Variants in WWOX observed in about 807,000 individuals in gnomAD.
WWOX encodes the protein WW domain containing oxidoreductase.
In WWOX, 69 loss-of-function variants were observed where a neutral mutation model predicts 46.2. That is an observed-to-expected ratio of 1.49 (90% CI 1.23 to 1.82). The LOEUF is 1.82. Among genes scored for constraint, WWOX ranks in the 40% most tolerant of loss-of-function variants. The pLI is 0.00. For missense variants in WWOX, 919 were observed against 542.6 expected (o/e 1.69, Z -6.89); for synonymous variants, 359 against 202.6 (o/e 1.77, Z -6.56).
intron 8 of WWOX, among the ~76,000 whole-genome samples, chr16:78,744,180 T>A (rs978829802): frequency 2.6e-5 from 4 of 152,008 alleles, no homozygotes; most frequent in Non-Finnish European, 5.9e-5. Context: ...GTAAAGGTGG[T>A]ATTTGAACTA....
intron 5 of WWOX, among the ~76,000 whole-genome samples, chr16:78,368,176 C>A (rs951780673): frequency 6.6e-6 from 1 of 152,162 alleles, no homozygotes; most frequent in Non-Finnish European, 1.5e-5. Context: ...TAGAATAAGG[C>A]CATGTCTGTA....
chr16:78,115,524 C>T (rs1238268763), intron 4 of WWOX, among the ~76,000 whole-genome samples: 2 of 152,120 alleles, frequency 1.3e-5, no homozygotes, highest in African/African-American at 2.4e-5. Flanking sequence ...ATACGGGGAA[C>T]AACAAGGTAT....
intron 8 of WWOX, among the ~76,000 whole-genome samples, chr16:78,763,372 G>T (rs556753541): frequency 5.3e-5 from 8 of 152,122 alleles, no homozygotes; most frequent in African/African-American, 1.9e-4. Flanking sequence ...ACTTGTTTCT[G>T]TTCATCCAGA....
intron 5 of WWOX, among the ~76,000 whole-genome samples, chr16:78,291,899 G>C (rs920404529): frequency 6.6e-6 from 1 of 151,914 alleles, no homozygotes; most frequent in Non-Finnish European, 1.5e-5. Context: ...TTGTGCCTTC[G>C]GGATTGATAG....
intron 8 of WWOX, among the ~76,000 whole-genome samples, chr16:78,935,586 T>G (rs2045719555): frequency 7.3e-6 from 1 of 136,562 alleles, no homozygotes; most frequent in East Asian, 2.4e-4. Context: ...AAGGGGAACA[T>G]CACACACCGG....
At chr16:79,155,151 G>A (rs1381790673) in intron 8 of WWOX, among the ~76,000 whole-genome samples, 1 of 152,220 alleles carries the variant, frequency 6.6e-6, no homozygotes, top group East Asian at 1.9e-4. Context: ...GCCGAGGCAG[G>A]CAGATCATGA....
intron 8 of WWOX, among the ~76,000 whole-genome samples, chr16:78,647,565 G>T (rs922147893): frequency 1.3e-5 from 2 of 152,168 alleles, no homozygotes; most frequent in African/African-American, 4.8e-5. Context: ...AAGCTCCACT[G>T]CCACTGTCCC....
chr16:78,130,077 A>G (rs1478554940), intron 4 of WWOX: 2 of 152,154 alleles, frequency 1.3e-5, no homozygotes, highest in Non-Finnish European at 2.9e-5. Context: ...TCATGTGAAG[A>G]AGGACGTGTT....
At chr16:79,154,669 G>GTCC (rs2150738140) in intron 8 of WWOX, among the ~76,000 whole-genome samples, 1 of 152,290 alleles carries the variant, frequency 6.6e-6, no homozygotes, top group African/African-American at 2.4e-5. Flanking sequence ...GATGTACACT[G>GTCC]TAAAACAACC....
chr16:78,349,926 T>C lies in WWOX; in HGVS notation c.517-36934T>C, dbSNP rs777471885. On this transcript the variant is annotated intron_variant, in intron 5 of 8. Coordinates refer to ENST00000566780, the MANE Select transcript of WWOX (RefSeq NM_016373.4). ...CCTGTTAACATTTCGGTTTGTGTTA[T>C]GGAAGTGTTCTCTCTTCTATGAATT... 3.3e-5 allele frequency among the ~76,000 whole-genome samples: 4 copies of C among 121,414 alleles called. 1 individual carries two copies. The highest frequency in any genetic ancestry group is 5.9e-5 in the Non-Finnish European group (3 of 50,840). 79.7% of individuals were successfully genotyped at this position (121,414 alleles called of 152,430 possible).
chr16:78,971,090 AATATAT>A (rs1184878369), intron 8 of WWOX, among the ~76,000 whole-genome samples: 1 of 151,960 alleles, frequency 6.6e-6, no homozygotes, highest in African/African-American at 2.4e-5. Context: ...TATGTATATC[AATATAT>A]ATATCAGGTA....
chr16:78,240,488 G>A (rs989834448), intron 5 of WWOX, among the ~76,000 whole-genome samples: 4 of 152,258 alleles, frequency 2.6e-5, no homozygotes, highest in African/African-American at 9.6e-5. Flanking sequence ...TTTCCACAAG[G>A]AGTCACCCCT....
chr16:78,910,816 C>G (rs145066948), intron 8 of WWOX, among the ~76,000 whole-genome samples: 1 of 151,792 alleles, frequency 6.6e-6, no homozygotes, highest in Admixed American at 6.6e-5. Flanking sequence ...TACCTCTCAC[C>G]GGGTCCCTCC....
intron 8 of WWOX, among the ~76,000 whole-genome samples, chr16:78,820,018 G>A (rs974485202): frequency 3.9e-5 from 6 of 152,136 alleles, no homozygotes; most frequent in Non-Finnish European, 8.8e-5. Context: ...GTGATATGGA[G>A]GAAAATAAAA....
Position 78,321,312 on chromosome 16 carries a change from ATGCG to A in WWOX, c.517-65546_517-65543del, listed in dbSNP as rs1567499050. Among the ~76,000 whole-genome samples the A allele has an allele frequency of 1.7e-4, 11 of 64,622 alleles. 1 individual carries two copies. The highest frequency in any genetic ancestry group is 7.9e-4 in the East Asian group (1 of 1,268). 42.4% of individuals were successfully genotyped at this position (64,622 alleles called of 152,430 possible). On this transcript the variant is annotated intron_variant, in intron 5 of 8. Transcript: ENST00000566780. ...TATACGTATATATATACGTATATAT[ATGCG>A]TATATATATACGTATATATGCGTAT...
intron 8 of WWOX, among the ~76,000 whole-genome samples, chr16:78,479,570 A>G (rs2084437933): frequency 1.3e-5 from 2 of 152,338 alleles, no homozygotes; most frequent in African/African-American, 4.8e-5. Flanking sequence ...CATAGTGAAA[A>G]TGGAGATAAG....
intron 5 of WWOX, among the ~76,000 whole-genome samples, chr16:78,235,141 T>A (rs962040824): frequency 6.6e-6 from 1 of 152,172 alleles, no homozygotes; most frequent in African/African-American, 2.4e-5. Flanking sequence ...TTTAAAATTA[T>A]TATAAAATAT....
chr16:78,510,389 A>T (rs1378583502), intron 8 of WWOX, among the ~76,000 whole-genome samples: 1 of 152,130 alleles, frequency 6.6e-6, no homozygotes, highest in Non-Finnish European at 1.5e-5. Context: ...TATTTTTAGT[A>T]GAGATGGAGT....
At chr16:78,988,217 A>G (rs906668318) in intron 8 of WWOX, among the ~76,000 whole-genome samples, 1 of 151,906 alleles carries the variant, frequency 6.6e-6, no homozygotes, top group Non-Finnish European at 1.5e-5. Context: ...GGTGACAGGC[A>G]TCTGTAATCT....
Sources: gnomAD v4.1 joint callset for allele counts (sites outside exome capture counted in the v4.1 genomes callset) on GRCh38, gnomAD v4.1.1 for gene constraint, MANE v1.5 for transcripts, NCBI Gene and HGNC (gene_info 2026-07-23, HGNC 2026-07-21) for gene names.